FSHR: variants seen among roughly 807,000 people sequenced by gnomAD.
The protein encoded by FSHR is follicle-stimulating hormone receptor.
In FSHR, 46 loss-of-function variants were observed where a neutral mutation model predicts 52.1. That is an observed-to-expected ratio of 0.88 (90% confidence interval 0.70 to 1.13). FSHR has a LOEUF of 1.13. Among genes scored for constraint, FSHR ranks in the 50% most tolerant of loss-of-function variants. FSHR has a pLI of 0.00. For missense variants in FSHR, 964 were observed against 834.6 expected (o/e 1.16, Z -1.91); for synonymous variants, 399 against 309.6 (o/e 1.29, Z -3.03).
intron 2 of FSHR, among the ~76,000 whole-genome samples, chr2:49,058,624 C>T (rs1409080680): frequency 3.3e-5 from 5 of 151,204 alleles, no homozygotes; most frequent in African/African-American, 1.2e-4. Flanking sequence ...CAAAATCAAC[C>T]AACAAAAATC....
At chr2:49,135,564 G>C (rs569349971) in intron 1 of FSHR, among the ~76,000 whole-genome samples, 258 of 152,088 alleles carry the variant, frequency 1.7e-3, no homozygotes, top group Non-Finnish European at 2.9e-3. Flanking sequence ...GAAAAGAAGA[G>C]CAAATTAAAT....
intron 6 of FSHR, among the ~76,000 whole-genome samples, chr2:48,985,915 T>C (rs963058278): frequency 6.6e-6 from 1 of 151,442 alleles, no homozygotes; most frequent in Non-Finnish European, 1.5e-5. Context: ...GGGTTTCACC[T>C]TGTTAGCCAG....
At chr2:49,078,006 G>C (rs183955428) in intron 1 of FSHR, among the ~76,000 whole-genome samples, 136 of 152,262 alleles carry the variant, frequency 8.9e-4, no homozygotes, top group Non-Finnish European at 1.5e-3. Flanking sequence ...ACCTCTGCCT[G>C]TTACCCAGTT....
chr2:49,003,839 A>G (rs1391992710), intron 4 of FSHR, among the ~76,000 whole-genome samples: 1 of 125,026 alleles, frequency 8.0e-6, no homozygotes, highest in African/African-American at 3.2e-5. Flanking sequence ...CCTTCTCTCC[A>G]TGTCCTGACT....
chr2:48,997,660 G>T (rs150906478), intron 4 of FSHR, among the ~76,000 whole-genome samples: 1 of 152,024 alleles, frequency 6.6e-6, no homozygotes, highest in Non-Finnish European at 1.5e-5. Context: ...GGACAACTTA[G>T]CCCCGTGACC....
chr2:49,084,778 T>TC (rs1670313296), intron 1 of FSHR, among the ~76,000 whole-genome samples: 1 of 152,104 alleles, frequency 6.6e-6, no homozygotes, highest in Admixed American at 6.5e-5. Flanking sequence ...ACATACACTC[T>TC]CCCAAGACTA....
chr2:49,125,805 CT>C (rs543620401), intron 1 of FSHR, among the ~76,000 whole-genome samples: 3 of 152,190 alleles, frequency 2.0e-5, no homozygotes, highest in Non-Finnish European at 4.4e-5. Context: ...GTGTTCCTAA[CT>C]CCACAGTCTT....
rs1325161139 is a variant in FSHR, at chr2:48,975,544, C to T, written c.669-6661G>A. Reference sequence around the variant, plus strand: ...GGTTCTGAAGCTTTCAAGTTTGGACCAAGCCATGCTATAGCTTCCCTGGTT... The same window carrying T: ...GGTTCTGAAGCTTTCAAGTTTGGACTAAGCCATGCTATAGCTTCCCTGGTT... On this transcript the variant is annotated intron_variant, in intron 8 of 9. Coordinates refer to ENST00000406846, the MANE Select transcript of FSHR (RefSeq NM_000145.4). Among the ~76,000 whole-genome samples, 3 of 152,224 alleles carry T rather than the reference C, an allele frequency of 2.0e-5. No homozygotes were observed. In the East Asian group the frequency reaches 5.8e-4, roughly 29 times the overall value.
chr2:49,086,633 TTTC>T (rs1463559666), intron 1 of FSHR, among the ~76,000 whole-genome samples: 2 of 152,252 alleles, frequency 1.3e-5, no homozygotes, highest in South Asian at 2.1e-4. Context: ...CCTTATTTTA[TTTC>T]TTATTTTTTA....
At position 49,125,783 on chromosome 2, in the gene FSHR, C is replaced by T. The variant is rs151162026; in HGVS notation, c.152+28483G>A. On this transcript the variant is annotated intron_variant, in intron 1 of 9. Transcript: ENST00000406846. ...AAGGAAAGCCAGGACCAGCTATACA[C>T]TTAAATTTGAGGTGTTCCTAACTCC... 1.2e-4 allele frequency among the ~76,000 whole-genome samples: 19 copies of T among 152,300 alleles called. 1 individual carries two copies. The East Asian group carries it at 3.7e-3, about 29-fold the overall frequency.
intron 1 of FSHR, among the ~76,000 whole-genome samples, chr2:49,124,183 G>T (rs1213726215): frequency 5.4e-5 from 8 of 148,712 alleles, no homozygotes; most frequent in Non-Finnish European, 8.9e-5. Context: ...TTTAAGTAGA[G>T]AAGGGGTTTC....
At chr2:49,116,770 A>G (rs2055570) in intron 1 of FSHR, among the ~76,000 whole-genome samples, 144,738 of 152,282 alleles carry the variant, frequency 0.95, 68,860 homozygotes, top group East Asian at 1. Context: ...TTTGATGCAC[A>G]TGTACATTGT....
intron 1 of FSHR, among the ~76,000 whole-genome samples, chr2:49,071,124 G>C (rs946570460): frequency 6.6e-6 from 1 of 152,102 alleles, no homozygotes; most frequent in Non-Finnish European, 1.5e-5. Flanking sequence ...TTCTAGAAAA[G>C]TATAGAATAT....
chr2:49,032,539 G>C (rs948202163), intron 2 of FSHR, among the ~76,000 whole-genome samples: 9 of 152,296 alleles, frequency 5.9e-5, no homozygotes, highest in African/African-American at 2.2e-4. Context: ...ACTCTCTTTG[G>C]AGTACATAGT....
At chr2:49,085,877 C>T (rs11890629) in intron 1 of FSHR, among the ~76,000 whole-genome samples, 36,769 of 151,254 alleles carry the variant, frequency 0.24, 4,626 homozygotes, top group African/African-American at 0.3. Context: ...AAAAACCAAA[C>T]ACCGCGTGTT....
intron 2 of FSHR, among the ~76,000 whole-genome samples, chr2:49,063,204 C>A (rs1289477707): frequency 1.3e-5 from 2 of 152,098 alleles, no homozygotes; most frequent in African/African-American, 2.4e-5. Context: ...CCACTGTACC[C>A]TGGCTTGAGA....
chr2:48,979,046 C>A (rs1559090381), intron 8 of FSHR, among the ~76,000 whole-genome samples: 1 of 152,078 alleles, frequency 6.6e-6, no homozygotes, highest in Admixed American at 6.6e-5. Flanking sequence ...GGTCCTAGGG[C>A]AGTAATTCTC....
intron 6 of FSHR, among the ~76,000 whole-genome samples, chr2:48,985,086 A>C (rs937712057): frequency 6.8e-6 from 1 of 148,104 alleles, no homozygotes; most frequent in Admixed American, 6.8e-5. Context: ...TAAGAGAGGA[A>C]GTACCTATTT....
At chr2:48,993,543 C>T (rs2104113333) in intron 4 of FSHR, among the ~76,000 whole-genome samples, 1 of 152,162 alleles carries the variant, frequency 6.6e-6, no homozygotes, top group Non-Finnish European at 1.5e-5. Context: ...CAATATTATC[C>T]TCCTCTTCTT....
Sources: allele counts gnomAD v4.1 joint callset (sites outside exome capture counted in the v4.1 genomes callset), GRCh38; gene constraint gnomAD v4.1.1; transcripts MANE v1.5; gene names NCBI Gene and HGNC (gene_info 2026-07-23, HGNC 2026-07-21).